VGLL4: variants seen among roughly 807,000 people sequenced by gnomAD.
VGLL4 encodes transcription cofactor vestigial-like protein 4.
Under a neutral mutation model 21.0 loss-of-function variants are expected in VGLL4, and 7 were observed. The ratio of observed to expected loss-of-function variants is 0.33; its 90% CI spans 0.19 to 0.63. The LOEUF is 0.63. Among genes scored for constraint, VGLL4 ranks in the 20% least tolerant of loss-of-function variants. The pLI is 0.78. For synonymous variants in VGLL4, 222 were observed against 173.2 expected (o/e 1.28, Z -2.21); for missense variants, 394 against 425.7 (o/e 0.93, Z 0.66).
chr3:11,709,439 A>C (rs2076808499), intron 1 of VGLL4, among the ~76,000 whole-genome samples: 1 of 98,796 alleles, frequency 1.0e-5, no homozygotes, highest in African/African-American at 4.4e-5. Context: ...TCCGTCTAAA[A>C]AAAAAAAAAA....
At chr3:11,714,569 CA>C (rs11363717) in intron 1 of VGLL4, among the ~76,000 whole-genome samples, 11,141 of 137,512 alleles carry the variant, frequency 0.081, 1,200 homozygotes, top group African/African-American at 0.25. Flanking sequence ...AATAAAAATA[CA>C]AAAAAAAAAA....
At chr3:11,564,701 A>ACCACCTCCCTCCCTCC in intron 3 of VGLL4, 96 bp downstream of exon 3, 1 of 1,419,942 alleles carries the variant, frequency 7.0e-7, no homozygotes, top group Non-Finnish European at 9.5e-7. Flanking sequence ...TCCCTCCCTC[A>ACCACCTCCCTCCCTCC]CCACCGCCCT....
intron 2 of VGLL4, among the ~76,000 whole-genome samples, chr3:11,599,365 G>C (rs1269702336): frequency 6.6e-6 from 1 of 150,946 alleles, no homozygotes; most frequent in African/African-American, 2.4e-5. Flanking sequence ...GGTTACTCCT[G>C]TTTCTATTTT....
intron 1 of VGLL4, among the ~76,000 whole-genome samples, chr3:11,642,728 T>C (rs2075718485): frequency 6.6e-6 from 1 of 152,018 alleles, no homozygotes; most frequent in Non-Finnish European, 1.5e-5. Context: ...TCGCGGGCAG[T>C]AGGAGGTAAT....
chr3:11,719,329 T>A lies in VGLL4; in HGVS notation c.-14+1065A>T, dbSNP rs2076960789. 1 of 152,392 alleles carries A rather than the reference T, an allele frequency of 6.6e-6. No individual in the cohort carries two copies. 9.4% of individuals were successfully genotyped at this position (152,392 alleles called of 1,614,324 possible). A position where few individuals can be genotyped will look rare whatever the true frequency, so the allele number is the denominator to read the frequency against. On this transcript the variant is annotated intron_variant, in intron 1 of 5. Transcript: ENST00000273038. The surrounding 1 kb of genome is among the most constrained non-coding windows in gnomAD (Gnocchi z 4.0). ...TCCCTCCCGCAGGGCATCCCGGTTC[T>A]GCTCCGACAGCCCACCCCAAGGCCC... is the stretch of plus-strand genomic sequence containing the variant.
Position 11,556,718 on chromosome 3 carries a change from A to C in VGLL4, c.*1838T>G, listed in dbSNP as rs2072453565. 6.5e-6 allele frequency: 1 copy of C among 152,920 alleles called. No homozygotes were observed. The highest frequency in any genetic ancestry group is 2.1e-4 in the South Asian group (1 of 4,832). 9.5% of individuals were successfully genotyped at this position (152,920 alleles called of 1,614,324 possible). On this transcript the variant is annotated 3_prime_UTR_variant, in exon 5 of 5. Transcript: ENST00000430365. ...AATTAATGTTCTTCAAAAAATACCT[A>C]CAAATTTCTCTGTACATTCTTTACG... is the stretch of plus-strand genomic sequence containing the variant.
At chr3:11,628,542 C>T (rs959589524) in intron 1 of VGLL4, among the ~76,000 whole-genome samples, 41 of 152,192 alleles carry the variant, frequency 2.7e-4, no homozygotes, top group Non-Finnish European at 2.1e-4. Context: ...CAATCTCGGC[C>T]GGGCGCGGTG....
intron 2 of VGLL4, among the ~76,000 whole-genome samples, chr3:11,580,146 T>G (rs1039206372): frequency 1.3e-5 from 2 of 152,206 alleles, no homozygotes; most frequent in Non-Finnish European, 2.9e-5. Context: ...CTTCCCAAAC[T>G]CTGCACTCAT....
chr3:11,666,895 G>A (rs910473905), intron 2 of VGLL4, among the ~76,000 whole-genome samples: 2 of 152,124 alleles, frequency 1.3e-5, no homozygotes, highest in East Asian at 1.9e-4. Flanking sequence ...GTGTGCATGC[G>A]CTCTCCTATC....
chr3:11,558,898 C>CT, intron 4 of VGLL4, 71 bp from the exon 5 acceptor site: 1 of 1,548,580 alleles, frequency 6.5e-7, no homozygotes, highest in South Asian at 1.2e-5. Context: ...TTGCAGCACC[C>CT]TCCCTCAGGC....
intron 1 of VGLL4, among the ~76,000 whole-genome samples, chr3:11,708,848 G>T (rs1429196814): frequency 6.6e-6 from 1 of 151,462 alleles, no homozygotes; most frequent in Non-Finnish European, 1.5e-5. Flanking sequence ...GATCACTTGA[G>T]GGTGGGGGTT....
intron 2 of VGLL4, among the ~76,000 whole-genome samples, chr3:11,686,525 G>A (rs552777413): frequency 5.3e-4 from 81 of 152,268 alleles, no homozygotes; most frequent in African/African-American, 1.9e-3. Flanking sequence ...GGGGAGTTAC[G>A]TGTTCAAAGG....
intron 2 of VGLL4, among the ~76,000 whole-genome samples, chr3:11,666,244 G>A (rs1368087142): frequency 7.6e-6 from 1 of 131,522 alleles, no homozygotes; most frequent in African/African-American, 3.1e-5. Context: ...GCGAGACTGC[G>A]CCTCAAAAAA....
chr3:11,561,277 T>C (rs2072974629), intron 3 of VGLL4, among the ~76,000 whole-genome samples: 1 of 152,066 alleles, frequency 6.6e-6, no homozygotes, highest in Non-Finnish European at 1.5e-5. Flanking sequence ...AGAAATGAGC[T>C]CACTGTCCAG....
At chr3:11,645,257 T>C (rs1291721830), upstream of VGLL4, among the ~76,000 whole-genome samples, 1 of 151,322 alleles carries the variant, frequency 6.6e-6, no homozygotes, top group African/African-American at 2.4e-5. Context: ...TATTCCAAAA[T>C]AATATTTGAA....
At chr3:11,650,306 T>C (rs1474934098) in intron 2 of VGLL4, among the ~76,000 whole-genome samples, 1 of 152,188 alleles carries the variant, frequency 6.6e-6, no homozygotes, top group Non-Finnish European at 1.5e-5. Context: ...AATATGACGA[T>C]AGAAGAAAGC....
chr3:11,681,804 T>G (rs955273599), intron 2 of VGLL4, among the ~76,000 whole-genome samples: 1 of 151,746 alleles, frequency 6.6e-6, no homozygotes, highest in African/African-American at 2.4e-5. Context: ...AGCCAGCGAG[T>G]AAGATTCGAG....
At chr3:11,610,128 T>TATGTCAGTCCTGGCGA (rs1200417250) in intron 1 of VGLL4, 2 of 151,216 alleles carry the variant, frequency 1.3e-5, no homozygotes, top group Non-Finnish European at 3.0e-5. Flanking sequence ...GGCAACCGAC[T>TATGTCAGTCCTGGCGA]GACATCATGT....
intron 2 of VGLL4, among the ~76,000 whole-genome samples, chr3:11,684,039 C>T (rs748127856): frequency 2.6e-5 from 4 of 151,918 alleles, no homozygotes; most frequent in Admixed American, 1.3e-4. Context: ...GGTAAAACCC[C>T]GTCTCTACTA....
Sources: allele counts gnomAD v4.1 joint callset (sites outside exome capture counted in the v4.1 genomes callset), GRCh38; gene constraint gnomAD v4.1.1; non-coding constraint Gnocchi (gnomAD v3.1); transcripts MANE v1.5; gene names NCBI Gene and HGNC (gene_info 2026-07-23, HGNC 2026-07-21).